Variants in FLT3LG observed in about 807,000 individuals in gnomAD.
The protein encoded by FLT3LG is fms related receptor tyrosine kinase 3 ligand, also known as fms-related tyrosine kinase 3 ligand.
Under a neutral mutation model 30.9 loss-of-function variants are expected in FLT3LG, and 8 were observed. The observed-to-expected ratio is 0.26, with a 90% CI of 0.15 to 0.47. The LOEUF (loss-of-function observed/expected upper bound fraction) is 0.47. Ranked by LOEUF, FLT3LG falls within the 20% of genes least tolerant of loss-of-function variation. FLT3LG has a pLI of 0.99. For missense variants in FLT3LG, 278 were observed against 306.2 expected, an observed-to-expected ratio of 0.91 and a Z score of 0.69; for synonymous variants, 123 against 135.9, an observed-to-expected ratio of 0.91 and a Z score of 0.66.
At chr19:49,478,233 C>T (rs757379340) in intron 5 of FLT3LG, among the ~76,000 whole-genome samples, 2 of 151,858 alleles carry the variant, frequency 1.3e-5, no homozygotes, top group African/African-American at 2.4e-5. Flanking sequence ...TTTGGGAGGC[C>T]GAGGCGGGCG....
intron 8 of FLT3LG, among the ~76,000 whole-genome samples, chr19:49,484,453 C>T (rs1003443451): frequency 6.6e-6 from 1 of 151,822 alleles, no homozygotes; most frequent in African/African-American, 2.4e-5. Context: ...TGCCACCACG[C>T]CCAACTAATT....
At position 49,478,898 on chromosome 19, in the gene FLT3LG, C is replaced by A; in HGVS notation, c.343-11C>A. ...TGACGTGGTGGTGACGTCTCCCTCCCCTGCTCCCAGCCCCCCCCCAGCTGT... is the reference window on the plus strand; with the variant it reads ...TGACGTGGTGGTGACGTCTCCCTCCACTGCTCCCAGCCCCCCCCCAGCTGT... On this transcript the variant is annotated splice_polypyrimidine_tract_variant and intron_variant, in intron 5 of 8. Coordinates refer to ENST00000597551, the MANE Select transcript of FLT3LG (RefSeq NM_001459.4). 1 of 1,518,538 alleles carries A rather than the reference C, an allele frequency of 6.6e-7. No homozygotes were observed. Among genetic ancestry groups the A allele is most frequent in the Admixed American group, 2.1e-5 (1 of 48,116 alleles). The allele number at this position is 1,518,538 out of a possible 1,614,324, so 94.1% of individuals were successfully genotyped here.
Position 49,476,010 on chromosome 19 carries a change from G to A in FLT3LG, c.145-135G>A. The A allele has an allele frequency of 9.0e-7, 1 of 1,116,976 alleles. No individual in the cohort carries two copies. The highest frequency in any genetic ancestry group is 1.7e-5 in the Admixed American group (1 of 58,072). The allele number at this position is 1,116,976 out of a possible 1,614,324, so 69.2% of individuals were successfully genotyped here. ...GGTGTCATCCCTTTTTAAGGGCAAGGTTCTGTGGCTTCTTCTGGGCTCCCC... is the reference window on the plus strand; with the variant it reads ...GGTGTCATCCCTTTTTAAGGGCAAGATTCTGTGGCTTCTTCTGGGCTCCCC... On this transcript the variant is annotated intron_variant, in intron 3 of 8. Transcript: ENST00000597551. The surrounding 1 kb of genome is among the most constrained non-coding windows in gnomAD (Gnocchi z 5.3).
chr19:49,484,377 C>A (rs947469486), intron 8 of FLT3LG, among the ~76,000 whole-genome samples: 6 of 148,844 alleles, frequency 4.0e-5, no homozygotes, highest in Non-Finnish European at 5.9e-5. Context: ...TCACGGCAAC[C>A]TCCACCTCCC....
In FLT3LG at chr19:49,476,118, C is replaced by G; in HGVS notation, c.145-27C>G. ...AGTTCTGTTTCTCGCTGTTTTCAGC[C>G]AGGCCTGATCCTGTTTTCTCCCGCA... On this transcript the variant is annotated intron_variant, in intron 3 of 8. Transcript: ENST00000597551. This position sits in a 1 kb window ranked among gnomAD's most constrained non-coding sequence, Gnocchi z 5.3. 1 of 1,613,650 alleles carries G rather than the reference C, an allele frequency of 6.2e-7. No homozygotes were observed. Among genetic ancestry groups the G allele is most frequent in the Non-Finnish European group, 8.5e-7 (1 of 1,179,782 alleles).
intron 6 of FLT3LG, 125 bp downstream of exon 6, chr19:49,479,172 C>T: frequency 1.2e-6 from 1 of 829,132 alleles, no homozygotes; most frequent in Non-Finnish European, 1.7e-6. Flanking sequence ...GCTTATTCCT[C>T]TTTCTGGAGC....
chr19:49,482,571 C>T (rs990643582), intron 8 of FLT3LG, among the ~76,000 whole-genome samples: 1 of 151,474 alleles, frequency 6.6e-6, no homozygotes, highest in Non-Finnish European at 1.5e-5. Context: ...CTTAGAGCAA[C>T]GCAGTGGAAA....
intron 6 of FLT3LG, among the ~76,000 whole-genome samples, chr19:49,479,470 C>T (rs1048496145): frequency 1.4e-4 from 21 of 146,178 alleles, no homozygotes; most frequent in African/African-American, 4.6e-4. Flanking sequence ...GCTGGGATTA[C>T]AGGCGTGAGC....
Position 49,474,224 on chromosome 19 carries a change from T to G in FLT3LG, c.-95T>G. ...CTCCCCCCAAAAATTTCCTTTCACT[T>G]TCGGTCTCTGGCTGTCACCCGGCTT... On this transcript the variant is annotated 5_prime_UTR_variant, in exon 1 of 9. Transcript: ENST00000597551. 4.7e-6 allele frequency: 1 copy of G among 213,122 alleles called. No individual in the cohort carries two copies. Among genetic ancestry groups the G allele is most frequent in the Non-Finnish European group, 9.5e-6 (1 of 104,800 alleles). The allele number at this position is 213,122 out of a possible 1,614,324, so 13.2% of individuals were successfully genotyped here.
chr19:49,475,537 G>A, intron 2 of FLT3LG, 154 bp from the exon 3 acceptor site: 1 of 989,000 alleles, frequency 1.0e-6, no homozygotes, highest in South Asian at 1.7e-5. Context: ...AAGACAGGCA[G>A]AGATGGGGCC....
intron 8 of FLT3LG, among the ~76,000 whole-genome samples, chr19:49,483,866 C>CAAAAAAA (rs34619675): frequency 2.0e-5 from 1 of 50,086 alleles, no homozygotes; most frequent in Non-Finnish European, 5.0e-5. Context: ...GACTCTGTCT[C>CAAAAAAA]AAAAAAAAAA....
At chr19:49,482,061 G>A (rs1406522562) in intron 8 of FLT3LG, 1 of 152,038 alleles carries the variant, frequency 6.6e-6, no homozygotes, top group African/African-American at 2.4e-5. Flanking sequence ...CCAAGGCATA[G>A]AGAGGTAAAT....
intron 8 of FLT3LG, among the ~76,000 whole-genome samples, chr19:49,482,629 T>TTTC (rs1488097224): frequency 1.0e-5 from 1 of 99,762 alleles, no homozygotes; most frequent in Non-Finnish European, 1.9e-5. Context: ...GTAGCCACAT[T>TTTC]TTTTTTTTTT....
At position 49,476,727 on chromosome 19, in the gene FLT3LG, A is replaced by C; in HGVS notation, c.342+161A>C. On this transcript the variant is annotated intron_variant, in intron 5 of 8. Transcript: ENST00000597551. This position sits in a 1 kb window ranked among gnomAD's most constrained non-coding sequence, Gnocchi z 5.3. Reference sequence around the variant, plus strand: ...CAGAGCCCTGTTCCTACAGAACAACACGTCCCCAGGCACCGGTGATGGGGA... The same window carrying C: ...CAGAGCCCTGTTCCTACAGAACAACCCGTCCCCAGGCACCGGTGATGGGGA... The C allele has an allele frequency of 2.2e-6, 2 of 901,240 alleles. No homozygotes were observed. Among genetic ancestry groups the C allele is most frequent in the Non-Finnish European group, 3.3e-6 (2 of 603,562 alleles). The allele number at this position is 901,240 out of a possible 1,614,324, so 55.8% of individuals were successfully genotyped here. A position where few individuals can be genotyped will look rare whatever the true frequency, so the allele number is the denominator to read the frequency against.
At chr19:49,480,915 C>A (rs2079584334) in intron 8 of FLT3LG, 2 of 314,572 alleles carry the variant, frequency 6.4e-6, no homozygotes, top group Non-Finnish European at 1.2e-5. Flanking sequence ...GCCTGTAATC[C>A]CAGCTACTCA....
At chr19:49,484,016 C>T (rs2079708064) in intron 8 of FLT3LG, among the ~76,000 whole-genome samples, 1 of 151,240 alleles carries the variant, frequency 6.6e-6, no homozygotes, top group Admixed American at 6.6e-5. Context: ...TCCCCAGTAG[C>T]TTGGACTACA....
chr19:49,476,641 G>A lies in FLT3LG; in HGVS notation c.342+75G>A, dbSNP rs2079404353. On this transcript the variant is annotated intron_variant, in intron 5 of 8. Coordinates refer to ENST00000597551, the MANE Select transcript of FLT3LG (RefSeq NM_001459.4). This position sits in a 1 kb window ranked among gnomAD's most constrained non-coding sequence, Gnocchi z 5.3. ...CGAATTAGAAGTAAAGCTCCACTAG[G>A]CCTTATTGGCGATTTGGACCATAGC... 6.3e-7 allele frequency: 1 copy of A among 1,593,512 alleles called. No homozygotes were observed. Among genetic ancestry groups the A allele is most frequent in the Admixed American group, 1.7e-5 (1 of 57,226 alleles).
intron 8 of FLT3LG, chr19:49,482,109 A>C (rs1601124584): frequency 6.6e-6 from 1 of 151,358 alleles, no homozygotes; most frequent in Non-Finnish European, 1.5e-5. Context: ...GGTGACAACC[A>C]AGATTTGACT....
chr19:49,474,359 G>C (rs1278716354), intron 1 of FLT3LG, 78 bp downstream of exon 1: 3 of 572,680 alleles, frequency 5.2e-6, no homozygotes, highest in Non-Finnish European at 9.3e-6. Context: ...GGGAGCAGAG[G>C]GTGGGGGGCT....
Sources: gnomAD v4.1 joint callset for allele counts (sites outside exome capture counted in the v4.1 genomes callset) on GRCh38, gnomAD v4.1.1 for gene constraint, Gnocchi (gnomAD v3.1) non-coding constraint, MANE v1.5 for transcripts, NCBI Gene and HGNC (gene_info 2026-07-23, HGNC 2026-07-21) for gene names.